Variants in ATL1 observed in about 807,000 individuals in gnomAD.
ATL1 encodes atlastin GTPase 1, also known as atlastin-1.
ATL1 carries 31 observed loss-of-function variants against 75.5 expected under a neutral mutation model. The ratio of observed to expected loss-of-function variants is 0.41; its 90% confidence interval spans 0.31 to 0.55. The LOEUF is 0.55. ATL1 is among the 20% of genes least tolerant of loss of function. The pLI is 0.27. For synonymous variants in ATL1, 226 were observed against 233.3 expected, an observed-to-expected ratio of 0.97 and a Z score of 0.28; for missense variants, 405 against 662.6, an observed-to-expected ratio of 0.61 and a Z score of 4.27.
intron 11 of ATL1, among the ~76,000 whole-genome samples, chr14:50,623,961 AG>A (rs1313721126): frequency 6.6e-6 from 1 of 152,216 alleles, no homozygotes; most frequent in Non-Finnish European, 1.5e-5. Context: ...AGGCTGAAGC[AG>A]GGTAATTGCT....
At chr14:50,623,382 C>CAT in intron 11 of ATL1, 134 bp downstream of exon 11, 2 of 678,354 alleles carry the variant, frequency 2.9e-6, no homozygotes, top group Admixed American at 5.0e-5. Context: ...CAGCCTGTAT[C>CAT]ACGTCTATTT....
Position 50,614,731 on chromosome 14 carries a change from C to T in ATL1, c.862+220C>T, listed in dbSNP as rs1389650. On this transcript the variant is annotated intron_variant, in intron 8 of 13. Coordinates refer to ENST00000358385, the MANE Select transcript of ATL1 (RefSeq NM_015915.5). ...GTATACACTGCCTGCAAAAATAGGC[C>T]GGATCCTGAGTTCACCCAGAAGGCA... Among the ~76,000 whole-genome samples the T allele has an allele frequency of 0.5, 75,331 of 151,800 alleles. 19,687 individuals carry two copies. Among genetic ancestry groups the T allele is most frequent in the East Asian group, 0.74 (3,830 of 5,158 alleles).
At chr14:50,540,143 C>A (rs1218723224) in intron 1 of ATL1, among the ~76,000 whole-genome samples, 1 of 152,146 alleles carries the variant, frequency 6.6e-6, no homozygotes, top group East Asian at 1.9e-4. Context: ...TCAGGTGGCT[C>A]AACTGTCAAA....
intron 7 of ATL1, among the ~76,000 whole-genome samples, chr14:50,614,103 C>T (rs991046072): frequency 6.6e-6 from 1 of 152,150 alleles, no homozygotes; most frequent in Non-Finnish European, 1.5e-5. Flanking sequence ...TAAAACCCCA[C>T]TAATTTGTAT....
Position 50,590,946 on chromosome 14 carries a change from A to T in ATL1, c.288A>T (p.Ser96=). 6.2e-7 allele frequency: 1 copy of T among 1,613,804 alleles called. No individual in the cohort carries two copies. Among genetic ancestry groups the T allele is most frequent in the Non-Finnish European group, 8.5e-7 (1 of 1,179,846 alleles). ...TAGACTTTATCATTTTATAGGAATC[A>T]GTTGATTGGGTTGGAGACTACAATG... ...FMLRYMYNQE[S]VDWVGDYNEP... Residue 96 remains serine, a synonymous_variant, in exon 3 of 14, where the codon TCA becomes TCT. Coordinates refer to ENST00000358385, the MANE Select transcript of ATL1 (RefSeq NM_015915.5).
intron 1 of ATL1, among the ~76,000 whole-genome samples, chr14:50,586,687 T>C (rs2039104989): frequency 1.3e-5 from 2 of 152,120 alleles, no homozygotes; most frequent in Non-Finnish European, 2.9e-5. Context: ...AGTTATTTGA[T>C]TGCTACCAAA....
At chr14:50,607,376 G>A (rs1323866404) in intron 6 of ATL1, among the ~76,000 whole-genome samples, 4 of 152,032 alleles carry the variant, frequency 2.6e-5, no homozygotes, top group Non-Finnish European at 5.9e-5. Flanking sequence ...ACATGTAGGC[G>A]TCAGGGGCGT....
chr14:50,593,005 A>T (rs1337661621), intron 4 of ATL1, among the ~76,000 whole-genome samples: 1 of 150,358 alleles, frequency 6.7e-6, no homozygotes, highest in Non-Finnish European at 1.5e-5. Context: ...CTGTATATAT[A>T]TAATGTACAA....
chr14:50,625,120 TA>T (rs1325256573), intron 11 of ATL1, among the ~76,000 whole-genome samples: 2 of 151,782 alleles, frequency 1.3e-5, no homozygotes, highest in Admixed American at 6.6e-5. Context: ...ACACAGATTA[TA>T]AAAAAGTGAA....
At chr14:50,569,149 A>G (rs1268196335) in intron 1 of ATL1, among the ~76,000 whole-genome samples, 1 of 152,002 alleles carries the variant, frequency 6.6e-6, no homozygotes, top group African/African-American at 2.4e-5. Flanking sequence ...CCTGGAGTTC[A>G]AGACCAGGAA....
At chr14:50,608,768 A>G (rs1482565896) in intron 6 of ATL1, among the ~76,000 whole-genome samples, 9 of 152,026 alleles carry the variant, frequency 5.9e-5, no homozygotes, top group Non-Finnish European at 2.9e-5. Context: ...ATGAACCTCT[A>G]TTTTGAAAAA....
At chr14:50,618,772 A>T (rs1235523528) in intron 8 of ATL1, among the ~76,000 whole-genome samples, 1 of 152,132 alleles carries the variant, frequency 6.6e-6, no homozygotes, top group Non-Finnish European at 1.5e-5. Flanking sequence ...ACAGGCAGTT[A>T]CTGAATTTAC....
chr14:50,557,273 T>C (rs1450343483), upstream of ATL1, among the ~76,000 whole-genome samples: 3 of 152,230 alleles, frequency 2.0e-5, no homozygotes, highest in Non-Finnish European at 4.4e-5. Flanking sequence ...GAAATATCAG[T>C]CCCCTTAATC....
intron 1 of ATL1, among the ~76,000 whole-genome samples, chr14:50,536,655 C>T (rs1415292071): frequency 6.6e-6 from 1 of 152,064 alleles, no homozygotes; most frequent in Non-Finnish European, 1.5e-5. Context: ...ACAATAAAGT[C>T]CAGGCTGAGG....
At chr14:50,584,546 AAAAAAAT>A (rs1370383284) in intron 1 of ATL1, among the ~76,000 whole-genome samples, 1 of 151,964 alleles carries the variant, frequency 6.6e-6, no homozygotes, top group Non-Finnish European at 1.5e-5. Context: ...TACTAAAAAT[AAAAAAAT>A]AAAAAATAAA....
chr14:50,616,455 GTTATTTATTTATTTATTTAT>G (rs200056004), intron 8 of ATL1, among the ~76,000 whole-genome samples: 30,246 of 141,254 alleles, frequency 0.21, 4,313 homozygotes, highest in African/African-American at 0.41. Context: ...ACCATGCCCG[GTTATTTATTTATTTATTTAT>G]TTATTTATTT....
rs756151411 is a variant in ATL1 at position 50,628,503 on chromosome 14, T to C, written c.1551+41T>C. 55 of 1,586,922 alleles carry C rather than the reference T, an allele frequency of 3.5e-5. No homozygotes were observed. The highest frequency in any genetic ancestry group is 3.5e-5 in the Admixed American group (2 of 57,718). On this transcript the variant is annotated intron_variant, in intron 12 of 13. Coordinates refer to ENST00000358385, the MANE Select transcript of ATL1 (RefSeq NM_015915.5). ...ATTCACAACTAAATTCAGCACACAT[T>C]TGAATGTCATCCATGTGCCAGCCAC...
intron 1 of ATL1, among the ~76,000 whole-genome samples, chr14:50,585,585 A>G (rs1340062037): frequency 6.6e-6 from 1 of 152,226 alleles, no homozygotes; most frequent in Non-Finnish European, 1.5e-5. Flanking sequence ...AACAGTCACC[A>G]TTCATTAAGC....
intron 6 of ATL1, among the ~76,000 whole-genome samples, chr14:50,603,403 T>C (rs967311761): frequency 6.6e-6 from 1 of 152,214 alleles, no homozygotes; most frequent in African/African-American, 2.4e-5. Flanking sequence ...CACATTCCTT[T>C]CAGTGGAGAT....
Sources: allele counts gnomAD v4.1 joint callset (sites outside exome capture counted in the v4.1 genomes callset), GRCh38; gene constraint gnomAD v4.1.1; transcripts MANE v1.5; gene names NCBI Gene and HGNC (gene_info 2026-07-23, HGNC 2026-07-21).